ARID2: variants seen among roughly 807,000 people sequenced by gnomAD.
ARID2 encodes the protein AT-rich interaction domain 2, also known as AT-rich interactive domain-containing protein 2.
ARID2 carries 32 observed loss-of-function variants against 184.6 expected under a neutral mutation model. The observed-to-expected ratio is 0.17, with a 90% CI of 0.13 to 0.23. The LOEUF (loss-of-function observed/expected upper bound fraction) is 0.23. Among genes scored for constraint, ARID2 ranks in the 10% least tolerant of loss-of-function variants. ARID2 has a pLI of 1.00. For missense variants in ARID2, 1,696 were observed against 2,197.6 expected, an observed-to-expected ratio of 0.77 and a Z score of 4.56; for synonymous variants, 836 against 772.6, an observed-to-expected ratio of 1.08 and a Z score of -1.36.
intron 5 of ARID2, among the ~76,000 whole-genome samples, chr12:45,820,483 C>T (rs910145712): frequency 5.3e-5 from 8 of 152,100 alleles, no homozygotes; most frequent in Admixed American, 2.0e-4. Flanking sequence ...TGTCATAACA[C>T]GTCCAATAAG....
chr12:45,731,090 C>T (rs532935840), intron 2 of ARID2, 127 bp from the exon 3 acceptor site: 2 of 668,156 alleles, frequency 3.0e-6, no homozygotes, highest in South Asian at 3.5e-5. Flanking sequence ...TCTTACCGAT[C>T]GATCCGAAAC....
At chr12:45,863,256 T>G (rs1385390367) in intron 16 of ARID2, among the ~76,000 whole-genome samples, 2 of 152,176 alleles carry the variant, frequency 1.3e-5, no homozygotes, top group Non-Finnish European at 2.9e-5. Flanking sequence ...AAAAGGACCT[T>G]GTATGTCCAG....
intron 6 of ARID2, among the ~76,000 whole-genome samples, chr12:45,835,028 T>C (rs141747079): frequency 6.6e-6 from 1 of 152,306 alleles, no homozygotes; most frequent in Non-Finnish European, 1.5e-5. Flanking sequence ...GTGTGCCTTA[T>C]GTCTCATACA....
intron 16 of ARID2, among the ~76,000 whole-genome samples, chr12:45,886,752 G>A (rs1293932589): frequency 6.6e-6 from 1 of 152,200 alleles, no homozygotes; most frequent in Non-Finnish European, 1.5e-5. Context: ...CAAGGCTTGG[G>A]ATTTGCACTC....
intron 20 of ARID2, chr12:45,904,393 A>T (rs1444610416): frequency 1.4e-6 from 1 of 714,906 alleles, no homozygotes. Context: ...TTCCATATTT[A>T]GAAAGGTACT....
intron 16 of ARID2, among the ~76,000 whole-genome samples, chr12:45,879,291 G>A (rs925315098): frequency 6.6e-6 from 1 of 152,118 alleles, no homozygotes. Flanking sequence ...TGGTAAAGTC[G>A]TTTTTCATGA....
chr12:45,868,476 A>T (rs1943865749), intron 16 of ARID2, among the ~76,000 whole-genome samples: 1 of 152,142 alleles, frequency 6.6e-6, no homozygotes, highest in Admixed American at 6.5e-5. Context: ...TCTCTTTATT[A>T]TGTGTCCACC....
chr12:45,859,487 AG>A (rs1332014843), intron 15 of ARID2, among the ~76,000 whole-genome samples: 1 of 152,262 alleles, frequency 6.6e-6, no homozygotes, highest in East Asian at 1.9e-4. Flanking sequence ...TAAATGAACA[AG>A]TATATTCAAT....
At chr12:45,746,665 C>T (rs1941361400) in intron 3 of ARID2, among the ~76,000 whole-genome samples, 1 of 152,098 alleles carries the variant, frequency 6.6e-6, no homozygotes, top group Admixed American at 6.5e-5. Context: ...TCTCTTCACA[C>T]CTCCCTATGA....
intron 11 of ARID2, among the ~76,000 whole-genome samples, chr12:45,844,004 A>G (rs1036974136): frequency 6.6e-6 from 1 of 152,170 alleles, no homozygotes; most frequent in African/African-American, 2.4e-5. Context: ...GAAATAAAAT[A>G]CCACCACCTT....
chr12:45,799,342 T>G (rs1467572079), intron 3 of ARID2, among the ~76,000 whole-genome samples: 1 of 151,986 alleles, frequency 6.6e-6, no homozygotes, highest in Admixed American at 6.6e-5. Context: ...TGATACTTGC[T>G]TTTCCTCAGT....
chr12:45,839,798 G>C (rs1249929777), intron 11 of ARID2: 2 of 228,662 alleles, frequency 8.7e-6, no homozygotes, highest in East Asian at 8.7e-5. Context: ...CATATTATTT[G>C]TGATTTTGGT....
chr12:45,838,691 T>C (rs972695328), intron 10 of ARID2, among the ~76,000 whole-genome samples: 1 of 151,934 alleles, frequency 6.6e-6, no homozygotes, highest in African/African-American at 2.4e-5. Context: ...CACTTGAGCC[T>C]GGGAGGTTGA....
At chr12:45,742,084 G>A (rs920302978) in intron 3 of ARID2, among the ~76,000 whole-genome samples, 1 of 152,084 alleles carries the variant, frequency 6.6e-6, no homozygotes, top group Non-Finnish European at 1.5e-5. Flanking sequence ...AATACTTCCA[G>A]AAGTGTTATC....
At chr12:45,900,900 T>A (rs1378756304) in intron 20 of ARID2, among the ~76,000 whole-genome samples, 2 of 152,118 alleles carry the variant, frequency 1.3e-5, no homozygotes, top group Admixed American at 1.3e-4. Context: ...TTGTATGTGA[T>A]CTGTTTTCCC....
chr12:45,754,722 T>G (rs1426249570), intron 3 of ARID2, among the ~76,000 whole-genome samples: 1 of 152,236 alleles, frequency 6.6e-6, no homozygotes, highest in Admixed American at 6.5e-5. Context: ...TAACAACTTT[T>G]TTATTGTCTG....
At chr12:45,804,279 G>A (rs1200107280) in intron 3 of ARID2, among the ~76,000 whole-genome samples, 2 of 152,008 alleles carry the variant, frequency 1.3e-5, no homozygotes, top group African/African-American at 4.8e-5. Context: ...TTTTTTTCCA[G>A]CAAAGCATGC....
intron 3 of ARID2, among the ~76,000 whole-genome samples, chr12:45,809,716 T>C (rs1196252644): frequency 6.6e-6 from 1 of 152,206 alleles, no homozygotes; most frequent in East Asian, 1.9e-4. Context: ...GGAAAGAGTT[T>C]CTTGCTCAAA....
chr12:45,906,710 G>C lies in ARID2; in HGVS notation c.*1632G>C. 1 of 232,022 alleles carries C rather than the reference G, an allele frequency of 4.3e-6. No individual in the cohort carries two copies. Among genetic ancestry groups the C allele is most frequent in the Non-Finnish European group, 8.5e-6 (1 of 117,372 alleles). The allele number at this position is 232,022 out of a possible 1,614,324, so 14.4% of individuals were successfully genotyped here. A position where few individuals can be genotyped will look rare whatever the true frequency, so the allele number is the denominator to read the frequency against. On this transcript the variant is annotated 3_prime_UTR_variant, in exon 21 of 21. Transcript: ENST00000334344. ...GAGAGGTCCTTTACATGACAAATTT[G>C]CATGAAATAAGCAGATTAACCAAGT...
Sources: allele counts gnomAD v4.1 joint callset (sites outside exome capture counted in the v4.1 genomes callset), GRCh38; gene constraint gnomAD v4.1.1; transcripts MANE v1.5; gene names NCBI Gene and HGNC (gene_info 2026-07-23, HGNC 2026-07-21).